The following SEMA5A variants were observed in gnomAD, a reference collection of about 807,000 sequenced individuals.
SEMA5A encodes semaphorin 5A.
Under a neutral mutation model 135.5 loss-of-function variants are expected in SEMA5A, and 55 were observed. The observed-to-expected ratio is 0.41, with a 90% CI of 0.33 to 0.51. The LOEUF (loss-of-function observed/expected upper bound fraction) is 0.51. Among genes scored for constraint, SEMA5A ranks in the 20% least tolerant of loss-of-function variants. SEMA5A has a pLI of 0.37. For synonymous variants in SEMA5A, 580 were observed against 546.5 expected (o/e 1.06, Z -0.85); for missense variants, 1,290 against 1,419.9 (o/e 0.91, Z 1.47).
At chr5:9,173,657 C>T (rs752368428) in intron 11 of SEMA5A, among the ~76,000 whole-genome samples, 1 of 152,178 alleles carries the variant, frequency 6.6e-6, no homozygotes, top group African/African-American at 2.4e-5. Flanking sequence ...GATACCCTCA[C>T]ATTGGGAATA....
chr5:9,265,359 TCAGCTC>T (rs1232647187), intron 5 of SEMA5A: 1 of 449,112 alleles, frequency 2.2e-6, no homozygotes, highest in Non-Finnish European at 4.5e-6. Context: ...GGTGTGGGCT[TCAGCTC>T]CCTACCAGAC....
intron 2 of SEMA5A, among the ~76,000 whole-genome samples, chr5:9,423,182 C>T (rs775887771): frequency 6.6e-6 from 1 of 152,192 alleles, no homozygotes; most frequent in Non-Finnish European, 1.5e-5. Flanking sequence ...CTTCCGACCA[C>T]CTGCTTCCCC....
In SEMA5A at chr5:9,294,693, GAGA is replaced by G. The variant is rs575113468; in HGVS notation, c.270+23676_270+23678del. ...TGGACTTCTAAACACTTCCCCCATG[GAGA>G]AGATAATCCACTCTTCCTTTACACT... On this transcript the variant is annotated intron_variant, in intron 5 of 22. Transcript: ENST00000382496. Among the ~76,000 whole-genome samples, 625 of 152,234 alleles carry G rather than the reference GAGA, an allele frequency of 4.1e-3. 2 individuals are homozygous for G. The highest frequency in any genetic ancestry group is 5.7e-3 in the Non-Finnish European group (387 of 68,002).
At chr5:9,297,288 A>C (rs919996411) in intron 5 of SEMA5A, among the ~76,000 whole-genome samples, 1 of 152,088 alleles carries the variant, frequency 6.6e-6, no homozygotes, top group Non-Finnish European at 1.5e-5. Flanking sequence ...TTACGCCTGC[A>C]GGAGCACATA....
At chr5:9,462,242 G>A (rs926658976) in intron 1 of SEMA5A, among the ~76,000 whole-genome samples, 7 of 152,114 alleles carry the variant, frequency 4.6e-5, no homozygotes, top group East Asian at 3.9e-4. Context: ...ATCACTGATC[G>A]TTGAAGAAAT....
intron 13 of SEMA5A, among the ~76,000 whole-genome samples, chr5:9,135,953 A>G (rs1741713691): frequency 6.6e-6 from 1 of 152,182 alleles, no homozygotes; most frequent in Non-Finnish European, 1.5e-5. Flanking sequence ...GGCTCTCAAT[A>G]CAGGTGAGTT....
chr5:9,092,043 AT>A (rs1157200324), intron 16 of SEMA5A, among the ~76,000 whole-genome samples: 3 of 152,188 alleles, frequency 2.0e-5, no homozygotes, highest in African/African-American at 7.2e-5. Flanking sequence ...AGGCATCTGT[AT>A]TATTCGGTCT....
chr5:9,129,438 T>A (rs367752084), intron 13 of SEMA5A, among the ~76,000 whole-genome samples: 6 of 152,244 alleles, frequency 3.9e-5, no homozygotes, highest in African/African-American at 1.4e-4. Context: ...GAAAAGTACA[T>A]GGGTCTTTGG....
chr5:9,091,224 T>C lies in SEMA5A; in HGVS notation c.2073+16916A>G, dbSNP rs148291480. Among the ~76,000 whole-genome samples, 552 of 152,298 alleles carry C rather than the reference T, an allele frequency of 3.6e-3. 14 individuals carry two copies. The South Asian group carries it at 0.07, about 19-fold the overall frequency. ...TACTTAGAAAAACTTACAATGTCCA[T>C]TGATTACTTTTCTTTCCCCACAAAA... is the stretch of plus-strand genomic sequence containing the variant. On this transcript the variant is annotated intron_variant, in intron 16 of 22. Coordinates refer to ENST00000382496, the MANE Select transcript of SEMA5A (RefSeq NM_003966.3).
intron 4 of SEMA5A, among the ~76,000 whole-genome samples, chr5:9,332,984 C>T (rs1438622907): frequency 6.6e-6 from 1 of 152,168 alleles, no homozygotes; most frequent in African/African-American, 2.4e-5. Context: ...AACTTTCTTA[C>T]TAAAATACCA....
At chr5:9,473,491 C>T (rs964175130) in intron 1 of SEMA5A, among the ~76,000 whole-genome samples, 1 of 150,474 alleles carries the variant, frequency 6.6e-6, no homozygotes, top group Non-Finnish European at 1.5e-5. Flanking sequence ...GGGGATCAGG[C>T]TACCAAGACG....
At chr5:9,098,292 C>T (rs1410294983) in intron 16 of SEMA5A, among the ~76,000 whole-genome samples, 2 of 150,156 alleles carry the variant, frequency 1.3e-5, no homozygotes, top group East Asian at 2.0e-4. Flanking sequence ...GAACAAGCAA[C>T]ACTACTCCAG....
chr5:9,059,000 A>G (rs1489139727), intron 18 of SEMA5A, among the ~76,000 whole-genome samples: 1 of 152,224 alleles, frequency 6.6e-6, no homozygotes, highest in African/African-American at 2.4e-5. Flanking sequence ...TCTATAGGAC[A>G]CACAACTGCC....
chr5:9,099,592 A>G (rs760655309), intron 16 of SEMA5A, among the ~76,000 whole-genome samples: 1 of 152,174 alleles, frequency 6.6e-6, no homozygotes, highest in Non-Finnish European at 1.5e-5. Context: ...AAAATCCTAG[A>G]TCATCTCCAT....
chr5:9,326,678 A>G (rs1752893422), intron 4 of SEMA5A, among the ~76,000 whole-genome samples: 2 of 151,918 alleles, frequency 1.3e-5, no homozygotes, highest in African/African-American at 2.4e-5. Context: ...TCTACCTGGG[A>G]GGCTGAGGCA....
intron 3 of SEMA5A, among the ~76,000 whole-genome samples, chr5:9,378,771 G>A (rs73052666): frequency 0.01 from 1,536 of 152,316 alleles, 37 homozygotes; most frequent in African/African-American, 0.034. Flanking sequence ...AAAAGATGCC[G>A]AAGTATTTAT....
At chr5:9,085,099 G>A (rs1205602567) in intron 16 of SEMA5A, among the ~76,000 whole-genome samples, 2 of 152,184 alleles carry the variant, frequency 1.3e-5, no homozygotes, top group African/African-American at 4.8e-5. Context: ...TTTCTAAGTG[G>A]CAAAGCATTC....
intron 15 of SEMA5A, among the ~76,000 whole-genome samples, chr5:9,118,775 C>T (rs1740651096): frequency 6.6e-6 from 1 of 152,166 alleles, no homozygotes; most frequent in African/African-American, 2.4e-5. Context: ...CTCAGCGGAG[C>T]CAGCCCAGCT....
chr5:9,180,954 A>G (rs1744475280), intron 11 of SEMA5A, among the ~76,000 whole-genome samples: 1 of 152,222 alleles, frequency 6.6e-6, no homozygotes. Flanking sequence ...ACTTTAAAAA[A>G]TGATTCGTAG....
Sources: allele counts gnomAD v4.1 joint callset (sites outside exome capture counted in the v4.1 genomes callset), GRCh38; gene constraint gnomAD v4.1.1; transcripts MANE v1.5; gene names NCBI Gene and HGNC (gene_info 2026-07-23, HGNC 2026-07-21).